The following CRYM variants were observed in gnomAD, a reference collection of about 807,000 sequenced individuals.
CRYM encodes crystallin mu, also known as ketimine reductase mu-crystallin.
In CRYM, 18 loss-of-function variants were observed where a neutral mutation model predicts 32.9. That is an observed-to-expected ratio of 0.55 (90% CI 0.38 to 0.81). The LOEUF is 0.81. Ranked by LOEUF, CRYM falls within the 30% of genes least tolerant of loss-of-function variation. The pLI is 0.00. For missense variants in CRYM, 337 were observed against 393.5 expected, an observed-to-expected ratio of 0.86 and a Z score of 1.21; for synonymous variants, 153 against 152.4, an observed-to-expected ratio of 1.00 and a Z score of -0.03.
At chr16:21,275,722 G>C (rs2093384865) in intron 2 of CRYM, 128 bp from the exon 3 acceptor site, 2 of 741,180 alleles carry the variant, frequency 2.7e-6, no homozygotes, top group Admixed American at 4.0e-5. Flanking sequence ...TTTGGCGTCA[G>C]ACCTGGATCC....
upstream of CRYM, among the ~76,000 whole-genome samples, chr16:21,279,424 A>T (rs2093394261): frequency 1.3e-5 from 2 of 152,206 alleles, no homozygotes; most frequent in South Asian, 4.1e-4. Flanking sequence ...GGAAGAGGGC[A>T]TTACAGGCCA....
chr16:21,265,260 C>T (rs1199247538), intron 5 of CRYM, among the ~76,000 whole-genome samples: 1 of 152,142 alleles, frequency 6.6e-6, no homozygotes, highest in East Asian at 1.9e-4. Flanking sequence ...TTACTTTGAT[C>T]CATTCCTCAA....
intron 5 of CRYM, among the ~76,000 whole-genome samples, chr16:21,265,599 T>G (rs2093362336): frequency 1.3e-5 from 2 of 152,228 alleles, no homozygotes; most frequent in Non-Finnish European, 2.9e-5. Flanking sequence ...TGACCTTGAC[T>G]GCCTGGTTAT....
chr16:21,286,220 ATT>A (rs35658566), intron 1 of CRYM, among the ~76,000 whole-genome samples: 5 of 145,434 alleles, frequency 3.4e-5, no homozygotes, highest in Non-Finnish European at 3.0e-5. Context: ...TAAAGACAGA[ATT>A]TTTTTTTTTT....
intron 7 of CRYM, among the ~76,000 whole-genome samples, chr16:21,259,081 C>T (rs981849927): frequency 2.0e-5 from 3 of 151,778 alleles, no homozygotes; most frequent in Non-Finnish European, 4.4e-5. Flanking sequence ...TAGCTCAGGG[C>T]TGAGCAAATT....
chr16:21,284,554 T>C (rs2093404379), intron 1 of CRYM, among the ~76,000 whole-genome samples: 1 of 152,154 alleles, frequency 6.6e-6, no homozygotes, highest in Non-Finnish European at 1.5e-5. Context: ...GACATTTCTT[T>C]CTTTCTTTCT....
chr16:21,293,896 A>T (rs1368415405), intron 1 of CRYM, among the ~76,000 whole-genome samples: 2 of 152,230 alleles, frequency 1.3e-5, no homozygotes, highest in Non-Finnish European at 2.9e-5. Context: ...AAACAGAAGA[A>T]TATCAAAATA....
intron 1 of CRYM, among the ~76,000 whole-genome samples, chr16:21,290,478 A>C (rs1003236527): frequency 6.6e-6 from 1 of 152,142 alleles, no homozygotes; most frequent in Non-Finnish European, 1.5e-5. Flanking sequence ...CACCATCTTT[A>C]AGAATTGTAA....
At chr16:21,271,920 G>A (rs1010971743) in intron 3 of CRYM, among the ~76,000 whole-genome samples, 1 of 151,490 alleles carries the variant, frequency 6.6e-6, no homozygotes, top group African/African-American at 2.4e-5. Context: ...ATGCAGCGGT[G>A]TGATCTCAGC....
chr16:21,265,061 A>G (rs1399631133), intron 5 of CRYM, among the ~76,000 whole-genome samples: 1 of 152,198 alleles, frequency 6.6e-6, no homozygotes, highest in African/African-American at 2.4e-5. Context: ...TTAAGCTGAA[A>G]AAAAAATCAA....
upstream of CRYM, chr16:21,278,690 C>T (rs552907733): frequency 1.5e-4 from 31 of 213,130 alleles, no homozygotes; most frequent in South Asian, 2.4e-3. Context: ...AAATTACTGC[C>T]TACTGCTAGG....
upstream of CRYM, chr16:21,278,627 G>C: frequency 3.5e-6 from 1 of 284,794 alleles, no homozygotes. Flanking sequence ...CTAGGTCACC[G>C]TGCCTGGGAA....
chr16:21,276,308 G>C (rs1018372133), intron 2 of CRYM, among the ~76,000 whole-genome samples: 1 of 152,122 alleles, frequency 6.6e-6, no homozygotes, highest in Non-Finnish European at 1.5e-5. Flanking sequence ...TCAAAGCCTT[G>C]GGTTCTACCC....
rs140043577 is a variant in CRYM, at chr16:21,267,235, C to T, written c.673+319G>A. On this transcript the variant is annotated intron_variant, in intron 5 of 7. Coordinates refer to ENST00000572914, the MANE Select transcript of CRYM (RefSeq NM_001376256.1). Reference sequence around the variant, plus strand: ...GCCTCAGCCTCATGAGTAGCTGGGACTACAGGTGCAAGCCACCATGCCTGG... The same window carrying T: ...GCCTCAGCCTCATGAGTAGCTGGGATTACAGGTGCAAGCCACCATGCCTGG... Among the ~76,000 whole-genome samples the T allele has an allele frequency of 3.3e-3, 505 of 151,936 alleles. 2 individuals carry two copies. Among genetic ancestry groups the T allele is most frequent in the Middle Eastern group, 6.8e-3 (2 of 294 alleles).
intron 1 of CRYM, chr16:21,300,893 C>T (rs925447032): frequency 6.6e-6 from 1 of 152,264 alleles, no homozygotes; most frequent in Non-Finnish European, 1.5e-5. Context: ...CATTATAGAA[C>T]GTGGGGAGCA....
upstream of CRYM, chr16:21,278,783 T>C (rs2093392892): frequency 6.4e-6 from 1 of 156,836 alleles, no homozygotes; most frequent in Non-Finnish European, 1.4e-5. Context: ...CTAGTCTTCC[T>C]CCCCCCTGTA....
chr16:21,277,382 A>G lies in CRYM; in HGVS notation c.324+49T>C, dbSNP rs746227754. 9.3e-6 allele frequency: 15 copies of G among 1,604,332 alleles called. No homozygotes were observed. The highest frequency in any genetic ancestry group is 1.3e-5 in the Non-Finnish European group (15 of 1,177,318). Reference sequence around the variant, plus strand: ...TGCGGAGAACTTACTTTTGAGCTTCAATCTGGGCCCAGGGGCCCCATTCCA... The same window carrying G: ...TGCGGAGAACTTACTTTTGAGCTTCGATCTGGGCCCAGGGGCCCCATTCCA... On this transcript the variant is annotated intron_variant, in intron 2 of 7. Transcript: ENST00000572914. The surrounding 1 kb of genome is among the most constrained non-coding windows in gnomAD (Gnocchi z 4.2).
intron 1 of CRYM, among the ~76,000 whole-genome samples, chr16:21,284,947 C>T (rs1037417361): frequency 7.9e-5 from 12 of 152,118 alleles, no homozygotes; most frequent in Admixed American, 4.6e-4. Flanking sequence ...TGTTTTTTGA[C>T]TTTTTAATAA....
chr16:21,277,565 C>T lies in CRYM; in HGVS notation c.190G>A (p.Ala64Thr), dbSNP rs1284832400. The change falls in exon 2 of 8, where the codon GCC becomes ACC. Residue 64 changes from alanine (A) to threonine (T), a missense_variant. Transcript: ENST00000572914. This position sits in a 1 kb window ranked among gnomAD's most constrained non-coding sequence, Gnocchi z 4.2. ...AGTGCATCCTCTGCAGCACTGTAGGCGGGCATGACCCCCAGGTAGCTACAA... is the reference window on the plus strand; with the variant it reads ...AGTGCATCCTCTGCAGCACTGTAGGTGGGCATGACCCCCAGGTAGCTACAA... ...KHRGYLGVMP[A>T]YSAAEDALTT... The T allele has an allele frequency of 1.7e-5, 28 of 1,613,878 alleles. No individual in the cohort carries two copies. The highest frequency in any genetic ancestry group is 2.2e-5 in the East Asian group (1 of 44,878).
Sources: gnomAD v4.1 joint callset for allele counts (sites outside exome capture counted in the v4.1 genomes callset) on GRCh38, gnomAD v4.1.1 for gene constraint, Gnocchi (gnomAD v3.1) non-coding constraint, MANE v1.5 for transcripts, NCBI Gene and HGNC (gene_info 2026-07-23, HGNC 2026-07-21) for gene names.